The following EPB41L4A variants were observed in gnomAD, a reference collection of about 807,000 sequenced individuals.
EPB41L4A encodes the protein band 4.1-like protein 4A.
In EPB41L4A, 100 loss-of-function variants were observed where a neutral mutation model predicts 108.6. That is an observed-to-expected ratio of 0.92 (90% confidence interval 0.78 to 1.09). The LOEUF is 1.09. Among genes scored for constraint, EPB41L4A ranks in the 50% least tolerant of loss-of-function variants. The probability of loss-of-function intolerance (pLI) is 0.00; values close to 1 mark genes in which losing one functional copy is unlikely to be tolerated. For missense variants in EPB41L4A, 1,030 were observed against 842.7 expected, an observed-to-expected ratio of 1.22 and a Z score of -2.75; for synonymous variants, 319 against 289.0, an observed-to-expected ratio of 1.10 and a Z score of -1.05.
intron 1 of EPB41L4A, among the ~76,000 whole-genome samples, chr5:112,376,528 T>C (rs1759830060): frequency 6.6e-6 from 1 of 152,224 alleles, no homozygotes; most frequent in African/African-American, 2.4e-5. Context: ...TTGCTCTCTT[T>C]GGTATTTAGC....
chr5:112,234,869 C>G (rs1412511341), intron 11 of EPB41L4A, 114 bp from the exon 12 acceptor site: 6 of 1,162,960 alleles, frequency 5.2e-6, no homozygotes, highest in Non-Finnish European at 7.1e-6. Flanking sequence ...CACACAGACT[C>G]CCTGGTTTTT....
At chr5:112,289,323 T>G (rs888664923) in intron 2 of EPB41L4A, among the ~76,000 whole-genome samples, 11 of 152,186 alleles carry the variant, frequency 7.2e-5, no homozygotes, top group African/African-American at 2.7e-4. Context: ...TCTGATCACC[T>G]TGACAGCAAG....
At chr5:112,149,416 G>T (rs1759381747) in intron 12 of EPB41L4A, among the ~76,000 whole-genome samples, 1 of 152,204 alleles carries the variant, frequency 6.6e-6, no homozygotes, top group African/African-American at 2.4e-5. Flanking sequence ...AGGTTACAGT[G>T]AGCTGAGATC....
rs1390904820 is a variant in EPB41L4A at position 112,414,347 on chromosome 5, G to A, written c.99+4594C>T. Reference sequence around the variant, plus strand: ...TTGAAACTGTGCAACAAAGACATAAGAACAAAGGAAGCTGCTATCCTCTAT... The same window carrying A: ...TTGAAACTGTGCAACAAAGACATAAAAACAAAGGAAGCTGCTATCCTCTAT... On this transcript the variant is annotated intron_variant, in intron 1 of 22. Coordinates refer to ENST00000261486, the MANE Select transcript of EPB41L4A (RefSeq NM_022140.5). Among the ~76,000 whole-genome samples, 51 of 152,158 alleles carry A rather than the reference G, an allele frequency of 3.4e-4. 1 individual carries two copies. The highest frequency in any genetic ancestry group is 1.5e-5 in the Non-Finnish European group (1 of 68,008).
At chr5:112,335,302 C>T (rs1207077711) in intron 1 of EPB41L4A, among the ~76,000 whole-genome samples, 2 of 152,212 alleles carry the variant, frequency 1.3e-5, no homozygotes, top group African/African-American at 4.8e-5. Flanking sequence ...CCTTCTTGAA[C>T]AGTCAGACAC....
At chr5:112,275,985 A>G (rs1752609127) in intron 3 of EPB41L4A, among the ~76,000 whole-genome samples, 1 of 152,170 alleles carries the variant, frequency 6.6e-6, no homozygotes, top group African/African-American at 2.4e-5. Flanking sequence ...ATCAGTTAAT[A>G]TATATTTGAG....
Position 112,263,767 on chromosome 5 carries a change from T to TC in EPB41L4A, c.554+1128dup, listed in dbSNP as rs1751655889. The stretch of plus-strand genomic sequence containing the variant: ...CTGCTTCTACACTCACTGAAACGGA[T>TC]CCTTTAGGCAAACATTTTTTTGTGA... On this transcript the variant is annotated intron_variant, in intron 6 of 22. Transcript: ENST00000261486. 2.0e-5 allele frequency: 3 copies of TC among 152,286 alleles called. No individual in the cohort carries two copies. In the East Asian group the frequency reaches 5.8e-4, roughly 29 times the overall value. 9.4% of individuals were successfully genotyped at this position (152,286 alleles called of 1,614,324 possible). A position where few individuals can be genotyped will look rare whatever the true frequency, so the allele number is the denominator to read the frequency against.
chr5:112,178,051 A>C (rs1760959750), intron 18 of EPB41L4A, among the ~76,000 whole-genome samples: 2 of 151,986 alleles, frequency 1.3e-5, no homozygotes, highest in African/African-American at 4.8e-5. Context: ...TTAAAAAAAA[A>C]AAACAAAAAG....
Position 112,404,790 on chromosome 5 carries a change from G to A in EPB41L4A, c.99+14151C>T, listed in dbSNP as rs552993331. Among the ~76,000 whole-genome samples the A allele has an allele frequency of 2.0e-5, 3 of 152,248 alleles. No individual in the cohort carries two copies. The South Asian group carries it at 6.2e-4, about 32-fold the overall frequency. On this transcript the variant is annotated intron_variant, in intron 1 of 22. Transcript: ENST00000261486. ...ACGCCCTGCATCAAGTGCAGGGCCT[G>A]GTGCACAGGAGGGACTGCTAGTTCA...
chr5:112,274,726 G>A (rs1306026020), intron 4 of EPB41L4A, among the ~76,000 whole-genome samples: 2 of 152,170 alleles, frequency 1.3e-5, no homozygotes, highest in East Asian at 3.8e-4. Context: ...TTCCTTATGA[G>A]CCCTTTCAGT....
Position 112,307,506 on chromosome 5 carries a change from A to C in EPB41L4A, c.100-16T>G, listed in dbSNP as rs371138380. ...TCGTTGACTTCTGCAAAAATAATTC[A>C]GTTTTATATTTTTTAACTGCCCTTT... On this transcript the variant is annotated splice_polypyrimidine_tract_variant and intron_variant, in intron 1 of 22. Transcript: ENST00000261486. The C allele has an allele frequency of 6.3e-7, 1 of 1,586,392 alleles. No individual in the cohort carries two copies. Among genetic ancestry groups the C allele is most frequent in the Middle Eastern group, 1.7e-4 (1 of 6,020 alleles).
At chr5:112,150,285 A>G (rs936349866) in intron 12 of EPB41L4A, among the ~76,000 whole-genome samples, 1 of 152,196 alleles carries the variant, frequency 6.6e-6, no homozygotes, top group Admixed American at 6.5e-5. Flanking sequence ...TGAAAAAGAA[A>G]ATGACAAACC....
At chr5:112,307,096 A>G (rs1163758554) in intron 2 of EPB41L4A, among the ~76,000 whole-genome samples, 1 of 151,966 alleles carries the variant, frequency 6.6e-6, no homozygotes, top group African/African-American at 2.4e-5. Context: ...TCAGTCCTCC[A>G]TGTTCACTCA....
rs183687573 is a variant in EPB41L4A, at chr5:112,249,634, T to C, written c.796-8824A>G. 3.9e-5 allele frequency: 6 copies of C among 152,284 alleles called. No homozygotes were observed. The East Asian group carries it at 9.6e-4, about 24-fold the overall frequency. The allele number at this position is 152,284 out of a possible 1,614,324, so 9.4% of individuals were successfully genotyped here. A position where few individuals can be genotyped will look rare whatever the true frequency, so the allele number is the denominator to read the frequency against. ...TTCCACCTGGCTAATGAATTTAGGG[T>C]GAGTCCTGCAACAAAATTCACCAAT... On this transcript the variant is annotated intron_variant, in intron 9 of 22. Transcript: ENST00000261486.
chr5:112,398,532 G>A (rs774519933), intron 1 of EPB41L4A, among the ~76,000 whole-genome samples: 2 of 152,094 alleles, frequency 1.3e-5, no homozygotes, highest in Non-Finnish European at 2.9e-5. Context: ...GGGACTACAG[G>A]CATGCACCAC....
chr5:112,387,075 C>T (rs1338476451), intron 1 of EPB41L4A, among the ~76,000 whole-genome samples: 1 of 152,124 alleles, frequency 6.6e-6, no homozygotes. Context: ...AATCTGGGGG[C>T]CTGCACACTC....
chr5:112,287,851 G>A (rs1753387004), intron 2 of EPB41L4A, among the ~76,000 whole-genome samples: 1 of 152,172 alleles, frequency 6.6e-6, no homozygotes. Flanking sequence ...AGATAAGGAG[G>A]TTTCCAGGTA....
chr5:112,169,318 GTGTATACATATATATATGTA>G (rs1760440049), intron 20 of EPB41L4A, among the ~76,000 whole-genome samples: 1 of 152,066 alleles, frequency 6.6e-6, no homozygotes, highest in African/African-American at 2.4e-5. Context: ...AAGTATTTGT[GTGTATACATATATATATGTA>G]TGTATGTATA....
At chr5:112,339,816 G>A (rs191980285) in intron 1 of EPB41L4A, among the ~76,000 whole-genome samples, 7 of 152,140 alleles carry the variant, frequency 4.6e-5, no homozygotes, top group South Asian at 2.1e-4. Flanking sequence ...GATTATAGGC[G>A]TGAGCCACCA....
Sources: allele counts gnomAD v4.1 joint callset (sites outside exome capture counted in the v4.1 genomes callset), GRCh38; gene constraint gnomAD v4.1.1; transcripts MANE v1.5; gene names NCBI Gene and HGNC (gene_info 2026-07-23, HGNC 2026-07-21).